The following BOD1L1 variants were observed in gnomAD, a reference collection of about 807,000 sequenced individuals.
The protein encoded by BOD1L1 is biorientation of chromosomes in cell division protein 1-like 1.
BOD1L1 carries 86 observed loss-of-function variants against 240.7 expected under a neutral mutation model. The ratio of observed to expected loss-of-function variants is 0.36; its 90% CI spans 0.30 to 0.43. The LOEUF (loss-of-function observed/expected upper bound fraction) is 0.43, where lower values mean the gene tolerates loss of function less well. Among genes scored for constraint, BOD1L1 ranks in the 20% least tolerant of loss-of-function variants. The probability of loss-of-function intolerance (pLI) is 1.00; values close to 1 mark genes in which losing one functional copy is unlikely to be tolerated. For missense variants in BOD1L1, 3,554 were observed against 3,643.5 expected (o/e 0.98, Z 0.63); for synonymous variants, 1,268 against 1,272.3 (o/e 1.00, Z 0.07).
chr4:13,595,959 G>T lies in BOD1L1; in HGVS notation c.8020-15C>A. 4 of 1,607,716 alleles carry T rather than the reference G, an allele frequency of 2.5e-6. No individual in the cohort carries two copies. The highest frequency in any genetic ancestry group is 3.4e-6 in the Non-Finnish European group (4 of 1,177,240). On this transcript the variant is annotated splice_polypyrimidine_tract_variant and intron_variant, in intron 11 of 25. Transcript: ENST00000040738. ...GGCACATAAGCCTAAAAAATCCAAA[G>T]CACCATAAAAATAAGTTAACCAGGG...
At position 13,599,307 on chromosome 4, in the gene BOD1L1, G is replaced by A. The variant is rs144578157; in HGVS notation, c.7593C>T (p.Thr2531=). The change falls in exon 10 of 26, where the codon ACC becomes ACT. Residue 2531 remains threonine, a synonymous_variant. Transcript: ENST00000040738. ...VSIRYLAAVN[T]GAIKADDMPP... Reference sequence around the variant, plus strand: ...GCATGTCATCAGCTTTTATAGCACCGGTGTTTACTGCTGCCAAATAGCGAA... The same window carrying A: ...GCATGTCATCAGCTTTTATAGCACCAGTGTTTACTGCTGCCAAATAGCGAA... 3.0e-4 allele frequency: 490 copies of A among 1,613,760 alleles called. 2 individuals carry two copies. The African/African-American group carries it at 5.5e-3, about 18-fold the overall frequency.
rs755879203 is a variant in BOD1L1 at position 13,602,551 on chromosome 4, T to G, written c.4349A>C (p.Lys1450Thr). 6 of 1,613,998 alleles carry G rather than the reference T, an allele frequency of 3.7e-6. No individual in the cohort carries two copies. In the South Asian group the frequency reaches 6.6e-5, roughly 18 times the overall value. ...VDHVVGLNTE[K>T]YAETVKLKHK... ...CTTAAGTTTGACAGTTTCAGCATAT[T>G]TTTCTGTATTCAGGCCTACAACATG... Residue 1450 changes from lysine (K) to threonine (T), a missense_variant, in exon 10 of 26, where the codon AAA becomes ACA. This residue lies in a region of BOD1L1 where 3,393 missense variants were observed against 3,427.1 expected (regional missense o/e 0.99). Coordinates refer to ENST00000040738, the MANE Select transcript of BOD1L1 (RefSeq NM_148894.3).
At chr4:13,617,408 G>T (rs1287052423) in intron 2 of BOD1L1, among the ~76,000 whole-genome samples, 2 of 152,084 alleles carry the variant, frequency 1.3e-5, no homozygotes, top group Non-Finnish European at 2.9e-5. Flanking sequence ...TCACACAGAG[G>T]TCAGCTCTAA....
chr4:13,614,773 A>C lies in BOD1L1; in HGVS notation c.597T>G (p.Asn199Lys). Residue 199 changes from asparagine (N) to lysine (K), a missense_variant, in exon 4 of 26, where the codon AAT (asparagine) becomes AAG (lysine). Physicochemically the swap from Asn to Lys is moderately conservative, Grantham distance 94. This residue lies in a region of BOD1L1 where 3,393 missense variants were observed against 3,427.1 expected (regional missense o/e 0.99). Transcript: ENST00000040738. ...TGGTTTCCAATATCGACATGGCATC[A>C]TTGGCTACATTAGCACTGGGCCCAG... is the stretch of plus-strand genomic sequence containing the variant. ...PTPGPSANVA[N>K]DAMSILETIT... is the part of the protein sequence containing the mutation. 2 of 1,613,678 alleles carry C rather than the reference A, an allele frequency of 1.2e-6. No homozygotes were observed. Among genetic ancestry groups the C allele is most frequent in the Non-Finnish European group, 1.7e-6 (2 of 1,179,762 alleles).
rs530925980 is a variant in BOD1L1, at chr4:13,612,161, T to C, written c.1325-1061A>G. Among the ~76,000 whole-genome samples, 5 of 152,294 alleles carry C rather than the reference T, an allele frequency of 3.3e-5. No individual in the cohort carries two copies. In the South Asian group the frequency reaches 1.0e-3, roughly 32 times the overall value. ...ATTAGGAATTACTGCTGCTGCTTTT[T>C]TTAGTTTGTGAAATTGAAGAAAAAA... On this transcript the variant is annotated intron_variant, in intron 5 of 25. Transcript: ENST00000040738.
At chr4:13,576,612 C>T (rs550592114) in intron 25 of BOD1L1, among the ~76,000 whole-genome samples, 20 of 151,946 alleles carry the variant, frequency 1.3e-4, no homozygotes, top group Admixed American at 1.0e-3. Context: ...ACCAAATAGG[C>T]ATTTAAAACC....
At position 13,619,993 on chromosome 4, in the gene BOD1L1, C is replaced by A. The variant is rs149080935; in HGVS notation, c.318G>T (p.Pro106=). ...TTCTTAGCTGGTTCTTATTGAGATGCGGACTCCATGTGTGAGTTGCCAAGT... is the reference window on the plus strand; with the variant it reads ...TTCTTAGCTGGTTCTTATTGAGATGAGGACTCCATGTGTGAGTTGCCAAGT... The part of the protein sequence containing the change: ...ANHLATHTWS[P]HLNKNQLRNN... Residue 106 remains proline, a synonymous_variant, in exon 2 of 26, where the codon CCG becomes CCT. Transcript: ENST00000040738. 5 of 1,611,860 alleles carry A rather than the reference C, an allele frequency of 3.1e-6. No individual in the cohort carries two copies. Among genetic ancestry groups the A allele is most frequent in the Non-Finnish European group, 4.2e-6 (5 of 1,178,808 alleles).
At position 13,627,405 on chromosome 4, in the gene BOD1L1, G is replaced by A; in HGVS notation, c.183C>T (p.Leu61=). ...ACTGGTCGAAGAGCCCCTGGCTCTTGAGGTGGTTCACGATCATGGCCACGA... is the reference window on the plus strand; with the variant it reads ...ACTGGTCGAAGAGCCCCTGGCTCTTAAGGTGGTTCACGATCATGGCCACGA... The part of the protein sequence containing the change: ...PQLVAMIVNH[L]KSQGLFDQFR... Residue 61 remains leucine, a synonymous_variant, in exon 1 of 26, where the codon CTC becomes CTT. Coordinates refer to ENST00000040738, the MANE Select transcript of BOD1L1 (RefSeq NM_148894.3). The A allele has an allele frequency of 7.2e-7, 1 of 1,397,440 alleles. No individual in the cohort carries two copies. Among genetic ancestry groups the A allele is most frequent in the African/African-American group, 1.5e-5 (1 of 68,454 alleles). The allele number at this position is 1,397,440 out of a possible 1,614,324, so 86.6% of individuals were successfully genotyped here. A position where few individuals can be genotyped will look rare whatever the true frequency, so the allele number is the denominator to read the frequency against.
chr4:13,575,895 C>CTTTTTTT (rs35101769), intron 25 of BOD1L1, among the ~76,000 whole-genome samples: 1 of 119,256 alleles, frequency 8.4e-6, no homozygotes, highest in Admixed American at 8.7e-5. Flanking sequence ...TTGCCAAACC[C>CTTTTTTT]TTTTTTTTTT....
intron 21 of BOD1L1, 36 bp from the exon 22 acceptor site, chr4:13,580,009 A>G: frequency 6.9e-7 from 1 of 1,448,270 alleles, no homozygotes; most frequent in Non-Finnish European, 9.5e-7. Context: ...AAAATTTTAA[A>G]TCAGCAGTTT....
At chr4:13,591,887 A>G in intron 13 of BOD1L1, 36 bp downstream of exon 13, 2 of 1,493,842 alleles carry the variant, frequency 1.3e-6, no homozygotes, top group Non-Finnish European at 1.8e-6. Context: ...AAAAAACCCA[A>G]TAACCACAAA....
At chr4:13,588,666 G>T in intron 15 of BOD1L1, 56 bp downstream of exon 15, 2 of 1,292,042 alleles carry the variant, frequency 1.5e-6, no homozygotes, top group Non-Finnish European at 2.1e-6. Context: ...CCTTCTTTGT[G>T]TACAGTGAAA....
chr4:13,611,164 G>T, intron 5 of BOD1L1, 64 bp from the exon 6 acceptor site: 2 of 1,197,020 alleles, frequency 1.7e-6, no homozygotes. Flanking sequence ...ACATTATGCT[G>T]TACAAGCAGT....
chr4:13,587,122 G>A (rs939907513), intron 16 of BOD1L1, among the ~76,000 whole-genome samples: 1 of 152,072 alleles, frequency 6.6e-6, no homozygotes, highest in Non-Finnish European at 1.5e-5. Context: ...CAACATGATA[G>A]TCACTAACCA....
At chr4:13,583,815 G>A (rs535636767) in intron 17 of BOD1L1, among the ~76,000 whole-genome samples, 17 of 152,250 alleles carry the variant, frequency 1.1e-4, no homozygotes, top group Non-Finnish European at 1.6e-4. Context: ...TATTGGGAGG[G>A]TCAATTCAAT....
Position 13,611,003 on chromosome 4 carries a change from T to C in BOD1L1, c.1422A>G (p.Pro474=), listed in dbSNP as rs752089616. The C allele has an allele frequency of 1.2e-5, 20 of 1,612,536 alleles. No homozygotes were observed. Among genetic ancestry groups the C allele is most frequent in the Non-Finnish European group, 1.5e-5 (18 of 1,179,032 alleles). The change falls in exon 6 of 26, where the codon CCA becomes CCG. Residue 474 remains proline (P), a synonymous_variant. Transcript: ENST00000040738. The part of the protein sequence containing the change: ...KSVRHAYVHK[P]YLYSKYYSDS... Reference sequence around the variant, plus strand: ...CACTATAGTATTTTGAGTAAAGATATGGTTTGTGGACATACGCATGCCGTA... The same window carrying C: ...CACTATAGTATTTTGAGTAAAGATACGGTTTGTGGACATACGCATGCCGTA...
rs189699538 is a variant in BOD1L1 at position 13,607,513 on chromosome 4, G to T, written c.1743-324C>A. Among the ~76,000 whole-genome samples, 3 of 152,136 alleles carry T rather than the reference G, an allele frequency of 2.0e-5. No homozygotes were observed. The South Asian group carries it at 6.2e-4, about 32-fold the overall frequency. On this transcript the variant is annotated intron_variant, in intron 8 of 25. Transcript: ENST00000040738. Reference sequence around the variant, plus strand: ...GGGTTTCACCATGTTGGTCAGGCTGGTCTCAAACTCCTGACCTCATGTGTT... The same window carrying T: ...GGGTTTCACCATGTTGGTCAGGCTGTTCTCAAACTCCTGACCTCATGTGTT...
chr4:13,617,538 G>A (rs1716710022), intron 2 of BOD1L1, among the ~76,000 whole-genome samples: 1 of 152,186 alleles, frequency 6.6e-6, no homozygotes, highest in Admixed American at 6.5e-5. Context: ...AATGCCAACA[G>A]CTGGCGTTTT....
chr4:13,586,641 C>A (rs1053986376), intron 16 of BOD1L1, among the ~76,000 whole-genome samples, 166 bp from the exon 17 acceptor site: 2 of 152,240 alleles, frequency 1.3e-5, no homozygotes, highest in African/African-American at 4.8e-5. Context: ...GCACTGAACA[C>A]TTGCCTTTCG....
Sources: allele counts gnomAD v4.1 joint callset (sites outside exome capture counted in the v4.1 genomes callset), GRCh38; gene constraint gnomAD v4.1.1; regional missense constraint gnomAD v4.1.1; transcripts MANE v1.5; gene names NCBI Gene and HGNC (gene_info 2026-07-23, HGNC 2026-07-21).